KCNH1: variants seen among roughly 807,000 people sequenced by gnomAD.
The protein encoded by KCNH1 is voltage-gated delayed rectifier potassium channel KCNH1.
KCNH1 carries 27 observed loss-of-function variants against 69.2 expected under a neutral mutation model. That is an observed-to-expected ratio of 0.39 (90% CI 0.29 to 0.54). The LOEUF (loss-of-function observed/expected upper bound fraction) is 0.54, where lower values mean the gene tolerates loss of function less well. Among genes scored for constraint, KCNH1 ranks in the 20% least tolerant of loss-of-function variants. The probability of loss-of-function intolerance (pLI) is 0.68; values close to 1 mark genes in which losing one functional copy is unlikely to be tolerated. For synonymous variants in KCNH1, 456 were observed against 487.7 expected (o/e 0.93, Z 0.86); for missense variants, 798 against 1,261.6 (o/e 0.63, Z 5.57).
chr1:210,872,897 C>A (rs1182571711), intron 7 of KCNH1, among the ~76,000 whole-genome samples: 2 of 152,144 alleles, frequency 1.3e-5, no homozygotes, highest in Non-Finnish European at 2.9e-5. Flanking sequence ...TCATTTCTGA[C>A]TCTTCTACCC....
chr1:210,829,901 TG>T (rs2102437759), intron 7 of KCNH1, among the ~76,000 whole-genome samples: 1 of 152,260 alleles, frequency 6.6e-6, no homozygotes, highest in South Asian at 2.1e-4. Flanking sequence ...CCTTAGAATG[TG>T]GGAAGAATTG....
chr1:210,862,706 G>A (rs1404520348), intron 7 of KCNH1, among the ~76,000 whole-genome samples: 2 of 152,166 alleles, frequency 1.3e-5, no homozygotes. Flanking sequence ...GTATTTATGA[G>A]CATCCACTTA....
intron 8 of KCNH1, among the ~76,000 whole-genome samples, chr1:210,800,801 A>G (rs1461683033): frequency 6.6e-6 from 1 of 152,070 alleles, no homozygotes; most frequent in Non-Finnish European, 1.5e-5. Flanking sequence ...CCAAAGGGAG[A>G]TATCAACGTG....
chr1:210,882,001 G>C (rs1444016706), intron 7 of KCNH1, among the ~76,000 whole-genome samples: 1 of 152,158 alleles, frequency 6.6e-6, no homozygotes, highest in African/African-American at 2.4e-5. Context: ...ACAACACCAA[G>C]AGTGAACCCT....
At chr1:210,781,558 A>C (rs1480939726) in intron 9 of KCNH1, among the ~76,000 whole-genome samples, 1 of 152,140 alleles carries the variant, frequency 6.6e-6, no homozygotes, top group Admixed American at 6.5e-5. Flanking sequence ...ACTCCTTATA[A>C]GACAGATAAG....
At chr1:210,937,241 ACT>A (rs752259339) in intron 6 of KCNH1, among the ~76,000 whole-genome samples, 1 of 152,152 alleles carries the variant, frequency 6.6e-6, no homozygotes, top group Non-Finnish European at 1.5e-5. Context: ...GTTACCAATG[ACT>A]TTCTAATTGT....
intron 6 of KCNH1, among the ~76,000 whole-genome samples, chr1:210,943,683 G>A (rs1178381204): frequency 3.3e-5 from 5 of 152,138 alleles, no homozygotes; most frequent in Non-Finnish European, 7.4e-5. Context: ...TGAGCAGGTT[G>A]CATATAAGCA....
intron 7 of KCNH1, among the ~76,000 whole-genome samples, chr1:210,848,691 T>C (rs1482732318): frequency 2.6e-5 from 4 of 152,232 alleles, no homozygotes; most frequent in Admixed American, 6.5e-5. Context: ...TTTTTCTGTA[T>C]GAAAAATAAA....
intron 1 of KCNH1, among the ~76,000 whole-genome samples, chr1:211,128,033 G>A (rs1691812382): frequency 1.3e-5 from 2 of 152,176 alleles, no homozygotes; most frequent in Non-Finnish European, 2.9e-5. Context: ...GCTCGTGCCT[G>A]TAATCTCAAC....
At chr1:210,858,809 C>T (rs924243765) in intron 7 of KCNH1, 1 of 205,640 alleles carries the variant, frequency 4.9e-6, no homozygotes, top group African/African-American at 2.3e-5. Flanking sequence ...AGTCCTGTAG[C>T]CCATGCCTAT....
chr1:210,856,898 T>TATATATATATATATATATATATATATATA (rs1410330503), intron 7 of KCNH1, among the ~76,000 whole-genome samples: 1 of 121,690 alleles, frequency 8.2e-6, no homozygotes, highest in Non-Finnish European at 1.8e-5. Context: ...TATATATATA[T>TATATATATATATATATATATATATATATA]AAAATACTCA....
intron 7 of KCNH1, among the ~76,000 whole-genome samples, chr1:210,873,278 T>C (rs1239088018): frequency 1.3e-5 from 2 of 152,228 alleles, no homozygotes; most frequent in Non-Finnish European, 2.9e-5. Flanking sequence ...AGGTGTATCA[T>C]GAACAAAGAT....
intron 6 of KCNH1, among the ~76,000 whole-genome samples, chr1:210,989,679 T>C (rs560008142): frequency 6.6e-6 from 1 of 152,148 alleles, no homozygotes; most frequent in East Asian, 1.9e-4. Context: ...CTTCAAGAGA[T>C]TTAAAACTTC....
At chr1:210,912,603 CA>C (rs1687256455) in intron 7 of KCNH1, among the ~76,000 whole-genome samples, 1 of 152,162 alleles carries the variant, frequency 6.6e-6, no homozygotes, top group Admixed American at 6.5e-5. Flanking sequence ...AGAGGAAACA[CA>C]GGGGCAGGGA....
At chr1:210,975,414 G>C (rs1156276191) in intron 6 of KCNH1, among the ~76,000 whole-genome samples, 8 of 152,158 alleles carry the variant, frequency 5.3e-5, no homozygotes. Flanking sequence ...TAGACCAATG[G>C]AACAGAACAG....
chr1:210,726,808 G>A (rs1357417653), intron 10 of KCNH1, among the ~76,000 whole-genome samples: 18 of 142,872 alleles, frequency 1.3e-4, no homozygotes, highest in African/African-American at 4.0e-4. Flanking sequence ...ACAGTTCCCC[G>A]GCGGGGGTGG....
intron 5 of KCNH1, among the ~76,000 whole-genome samples, chr1:211,031,533 AGC>A (rs1232228936): frequency 1.3e-5 from 2 of 152,180 alleles, no homozygotes; most frequent in African/African-American, 4.8e-5. Flanking sequence ...CACATCAAAA[AGC>A]TTATCCATGA....
intron 10 of KCNH1, among the ~76,000 whole-genome samples, chr1:210,706,950 G>T (rs1049314223): frequency 4.6e-5 from 7 of 152,208 alleles, no homozygotes; most frequent in African/African-American, 1.7e-4. Flanking sequence ...GTTCTATCAG[G>T]CATCACACCG....
intron 6 of KCNH1, among the ~76,000 whole-genome samples, chr1:210,986,213 C>T (rs1222125562): frequency 2.0e-5 from 3 of 152,192 alleles, no homozygotes; most frequent in Admixed American, 1.3e-4. Flanking sequence ...ATACAGCACA[C>T]TGATGGGTCT....
Sources: gnomAD v4.1 joint callset for allele counts (sites outside exome capture counted in the v4.1 genomes callset) on GRCh38, gnomAD v4.1.1 for gene constraint, MANE v1.5 for transcripts, NCBI Gene and HGNC (gene_info 2026-07-23, HGNC 2026-07-21) for gene names.